Variants in EPB41L4B observed in about 807,000 individuals in gnomAD.
EPB41L4B encodes the protein erythrocyte membrane protein band 4.1 like 4B.
A neutral mutation model predicts 112.5 loss-of-function variants in EPB41L4B; 30 were observed. That is an observed-to-expected ratio of 0.27 (90% CI 0.20 to 0.36). EPB41L4B has a LOEUF of 0.36. Among genes scored for constraint, EPB41L4B ranks in the 10% least tolerant of loss-of-function variants. The pLI, the probability that EPB41L4B is intolerant of heterozygous loss-of-function variation, is 1.00. For missense variants in EPB41L4B, 1,024 were observed against 1,133.3 expected, an observed-to-expected ratio of 0.90 and a Z score of 1.38; for synonymous variants, 408 against 439.7, an observed-to-expected ratio of 0.93 and a Z score of 0.90.
At chr9:109,298,801 A>C (rs1312628455) in intron 1 of EPB41L4B, among the ~76,000 whole-genome samples, 2 of 152,180 alleles carry the variant, frequency 1.3e-5, no homozygotes, top group African/African-American at 4.8e-5. Context: ...TCTCCAGTTC[A>C]AGCAGAGCAA....
At chr9:109,236,242 T>C (rs1834136646) in intron 15 of EPB41L4B, among the ~76,000 whole-genome samples, 1 of 152,136 alleles carries the variant, frequency 6.6e-6, no homozygotes, top group African/African-American at 2.4e-5. Context: ...CACACTTGGT[T>C]TGATAGATTG....
chr9:109,263,697 G>C (rs1835297840), intron 5 of EPB41L4B, among the ~76,000 whole-genome samples: 2 of 152,216 alleles, frequency 1.3e-5, no homozygotes, highest in Admixed American at 6.5e-5. Flanking sequence ...GCACTTCATA[G>C]TTTTCAAAGC....
intron 6 of EPB41L4B, among the ~76,000 whole-genome samples, chr9:109,260,033 T>C (rs1454345999): frequency 6.6e-6 from 1 of 152,166 alleles, no homozygotes; most frequent in Non-Finnish European, 1.5e-5. Context: ...AGGGACAATG[T>C]AACAAGAGCC....
chr9:109,220,275 AG>A lies in EPB41L4B; in HGVS notation c.1410-3131del, dbSNP rs1238709481. Among the ~76,000 whole-genome samples the A allele has an allele frequency of 8.5e-5, 13 of 152,354 alleles. No homozygotes were observed. In the East Asian group the frequency reaches 1.9e-3, roughly 23 times the overall value. On this transcript the variant is annotated intron_variant, in intron 15 of 25. Transcript: ENST00000374566. ...CATGAGCAAAGGAACGGTGGTTGAA[AG>A]AGCAGGATGTCTGGAGAAGTGAGGA... is the stretch of plus-strand genomic sequence containing the variant.
At chr9:109,200,205 T>C (rs1564260429) in intron 20 of EPB41L4B, 31 bp downstream of exon 20, 2 of 1,560,176 alleles carry the variant, frequency 1.3e-6, no homozygotes, top group South Asian at 2.2e-5. Flanking sequence ...CATAGTTGTT[T>C]TAATTGAAAA....
rs566417580 is a variant in EPB41L4B at position 109,258,060 on chromosome 9, C to T, written c.752+117G>A. The T allele has an allele frequency of 1.4e-4, 150 of 1,102,566 alleles. No individual in the cohort carries two copies. In the African/African-American group the frequency reaches 2.0e-3, roughly 15 times the overall value. The allele number at this position is 1,102,566 out of a possible 1,614,324, so 68.3% of individuals were successfully genotyped here. A position where few individuals can be genotyped will look rare whatever the true frequency, so the allele number is the denominator to read the frequency against. ...ACTGACACAAGGAGAGAAGAGTTGG[C>T]GCTGCAGTTTTATGGCCATCAACAG... On this transcript the variant is annotated intron_variant, in intron 7 of 25. Transcript: ENST00000374566.
intron 23 of EPB41L4B, among the ~76,000 whole-genome samples, chr9:109,184,508 TG>T (rs1832184122): frequency 6.6e-6 from 1 of 152,258 alleles, no homozygotes; most frequent in South Asian, 2.1e-4. Flanking sequence ...CGTGAGCCAC[TG>T]TGCCCTGCCA....
At chr9:109,174,728 ACTTT>A in intron 25 of EPB41L4B, 105 bp from the exon 26 acceptor site, 1 of 918,668 alleles carries the variant, frequency 1.1e-6, no homozygotes, top group Non-Finnish European at 1.7e-6. Flanking sequence ...TCAGTGTTGG[ACTTT>A]CTTTTTTAGA....
chr9:109,315,616 C>T (rs765707263), intron 1 of EPB41L4B, among the ~76,000 whole-genome samples: 33 of 152,310 alleles, frequency 2.2e-4, no homozygotes, highest in Admixed American at 4.6e-4. Flanking sequence ...CTTTCACTGA[C>T]TGACTGAAGG....
At chr9:109,199,262 G>C (rs1364719537) in intron 20 of EPB41L4B, among the ~76,000 whole-genome samples, 1 of 152,200 alleles carries the variant, frequency 6.6e-6, no homozygotes, top group Non-Finnish European at 1.5e-5. Context: ...GTGGAAAGCA[G>C]CTTCTGATGT....
At chr9:109,281,323 A>G (rs976933488) in intron 1 of EPB41L4B, among the ~76,000 whole-genome samples, 5 of 152,260 alleles carry the variant, frequency 3.3e-5, no homozygotes, top group Admixed American at 1.3e-4. Context: ...CAATAAACAC[A>G]TGAAAAGATG....
intron 15 of EPB41L4B, among the ~76,000 whole-genome samples, chr9:109,226,199 ACAT>A (rs1833753324): frequency 6.6e-6 from 1 of 152,160 alleles, no homozygotes; most frequent in African/African-American, 2.4e-5. Flanking sequence ...TCTGGCTTTT[ACAT>A]AGGTTTGGTC....
At chr9:109,318,628 G>A (rs1278842351) in intron 1 of EPB41L4B, among the ~76,000 whole-genome samples, 2 of 152,018 alleles carry the variant, frequency 1.3e-5, no homozygotes, top group Non-Finnish European at 2.9e-5. Context: ...GAGGCAGCCT[G>A]CTCCCCTCTC....
At chr9:109,184,813 G>A (rs978859604) in intron 23 of EPB41L4B, among the ~76,000 whole-genome samples, 1 of 152,152 alleles carries the variant, frequency 6.6e-6, no homozygotes, top group East Asian at 1.9e-4. Context: ...GACAAACTGC[G>A]AACAAAGCGC....
chr9:109,192,192 A>G, intron 22 of EPB41L4B, 86 bp downstream of exon 22: 2 of 1,060,084 alleles, frequency 1.9e-6, no homozygotes, highest in Middle Eastern at 2.1e-4. Flanking sequence ...CCTCAACAGC[A>G]ATGCCCACCT....
chr9:109,185,288 G>T (rs1832212806), intron 23 of EPB41L4B, among the ~76,000 whole-genome samples: 1 of 152,176 alleles, frequency 6.6e-6, no homozygotes. Context: ...AGGCGAAGTG[G>T]GCTCCATAGC....
intron 1 of EPB41L4B, among the ~76,000 whole-genome samples, chr9:109,285,735 A>C (rs1836249637): frequency 2.6e-5 from 4 of 151,920 alleles, no homozygotes; most frequent in African/African-American, 9.7e-5. Context: ...AAAACTAAGA[A>C]AGCTCCAGGT....
intron 15 of EPB41L4B, among the ~76,000 whole-genome samples, chr9:109,232,641 T>G (rs1833994630): frequency 6.6e-6 from 1 of 152,198 alleles, no homozygotes; most frequent in South Asian, 2.1e-4. Context: ...AATTAAAACA[T>G]TATTCATCCC....
intron 19 of EPB41L4B, among the ~76,000 whole-genome samples, chr9:109,202,626 G>A (rs1188420968): frequency 6.6e-6 from 1 of 152,210 alleles, no homozygotes; most frequent in Non-Finnish European, 1.5e-5. Context: ...AAGAAGGAAA[G>A]AGTTCCTGTT....
Sources: allele counts gnomAD v4.1 joint callset (sites outside exome capture counted in the v4.1 genomes callset), GRCh38; gene constraint gnomAD v4.1.1; transcripts MANE v1.5; gene names NCBI Gene and HGNC (gene_info 2026-07-23, HGNC 2026-07-21).